The following SPACA7 variants were observed in gnomAD, a reference collection of about 807,000 sequenced individuals.
SPACA7 encodes sperm acrosome associated 7, also known as sperm acrosome-associated protein 7.
Under a neutral mutation model 26.3 loss-of-function variants are expected in SPACA7, and 19 were observed. The ratio of observed to expected loss-of-function variants is 0.72; its 90% CI spans 0.50 to 1.06. SPACA7 has a LOEUF of 1.06. Ranked by LOEUF, SPACA7 falls within the 50% of genes least tolerant of loss-of-function variation. The pLI, the probability that SPACA7 is intolerant of heterozygous loss-of-function variation, is 0.00. For synonymous variants in SPACA7, 84 were observed against 84.5 expected (o/e 0.99, Z 0.04); for missense variants, 211 against 229.9 (o/e 0.92, Z 0.53).
At position 112,396,070 on chromosome 13, in the gene SPACA7, G is replaced by T. The variant is rs185636570; in HGVS notation, c.152-1979G>T. On this transcript the variant is annotated intron_variant, in intron 2 of 6. Transcript: ENST00000283550. ...ATGACTGCTCTCCGAGCAGGAACGC[G>T]CCTCCTCACAGCTGGGCCACCATCC... Among the ~76,000 whole-genome samples the T allele has an allele frequency of 6.6e-5, 9 of 136,934 alleles. 1 individual carries two copies. The highest frequency in any genetic ancestry group is 1.4e-4 in the Non-Finnish European group (8 of 58,630). 89.8% of individuals were successfully genotyped at this position (136,934 alleles called of 152,430 possible). A position where few individuals can be genotyped will look rare whatever the true frequency, so the allele number is the denominator to read the frequency against.
At chr13:112,396,736 G>C (rs910587656) in intron 2 of SPACA7, among the ~76,000 whole-genome samples, 1 of 152,196 alleles carries the variant, frequency 6.6e-6, no homozygotes, top group Non-Finnish European at 1.5e-5. Context: ...CAGCCCCTTG[G>C]CTGGGATCCT....
intron 2 of SPACA7, among the ~76,000 whole-genome samples, chr13:112,396,623 C>G (rs1566465284): frequency 6.6e-6 from 1 of 152,202 alleles, no homozygotes; most frequent in Non-Finnish European, 1.5e-5. Context: ...TCCAAGACCC[C>G]TATCTCACTG....
intron 5 of SPACA7, among the ~76,000 whole-genome samples, 159 bp downstream of exon 5, chr13:112,401,323 T>C (rs192919203): frequency 9.2e-5 from 14 of 152,354 alleles, no homozygotes; most frequent in Admixed American, 8.5e-4. Flanking sequence ...CTGCTTTTGT[T>C]TGCAATTGTC....
intron 5 of SPACA7, among the ~76,000 whole-genome samples, chr13:112,431,806 A>C (rs1160259402): frequency 2.6e-5 from 4 of 152,180 alleles, no homozygotes; most frequent in Admixed American, 6.5e-5. Flanking sequence ...GGTGCCCCCC[A>C]CTAGGAAATG....
chr13:112,386,024 C>A (rs1884502390), intron 1 of SPACA7, among the ~76,000 whole-genome samples: 1 of 152,134 alleles, frequency 6.6e-6, no homozygotes, highest in African/African-American at 2.4e-5. Context: ...AAAGACAGAT[C>A]CCTAAAATTA....
intron 5 of SPACA7, among the ~76,000 whole-genome samples, chr13:112,413,507 A>G (rs1886487892): frequency 6.6e-6 from 1 of 151,914 alleles, no homozygotes; most frequent in Non-Finnish European, 1.5e-5. Flanking sequence ...CTTCTTTTAT[A>G]ATCCTTTCTT....
chr13:112,431,675 T>G (rs1216266542), intron 5 of SPACA7, among the ~76,000 whole-genome samples: 1 of 152,178 alleles, frequency 6.6e-6, no homozygotes, highest in African/African-American at 2.4e-5. Flanking sequence ...AAACCGTATT[T>G]TTAAGGATTC....
chr13:112,430,344 T>A (rs181538045), intron 5 of SPACA7, among the ~76,000 whole-genome samples: 4 of 152,332 alleles, frequency 2.6e-5, no homozygotes, highest in African/African-American at 9.6e-5. Flanking sequence ...GAAGCAAGCA[T>A]AGGGCTGCAT....
At chr13:112,386,942 G>C (rs528809914) in intron 1 of SPACA7, among the ~76,000 whole-genome samples, 2 of 152,092 alleles carry the variant, frequency 1.3e-5, no homozygotes, top group African/African-American at 4.8e-5. Context: ...TCAGAGAAAG[G>C]AAAATTCAAG....
intron 1 of SPACA7, among the ~76,000 whole-genome samples, chr13:112,380,340 G>C (rs774533619): frequency 1.4e-5 from 2 of 145,594 alleles, no homozygotes; most frequent in African/African-American, 2.6e-5. Context: ...AGGAAGTGGA[G>C]GTTGCAGTGA....
At chr13:112,404,109 T>A in intron 5 of SPACA7, among the ~76,000 whole-genome samples, 1 of 152,230 alleles carries the variant, frequency 6.6e-6, no homozygotes, top group Non-Finnish European at 1.5e-5. Context: ...TTTTTGATTA[T>A]GGCCACTCTT....
At chr13:112,389,088 A>T (rs1884713309) in intron 1 of SPACA7, among the ~76,000 whole-genome samples, 1 of 152,208 alleles carries the variant, frequency 6.6e-6, no homozygotes, top group Non-Finnish European at 1.5e-5. Flanking sequence ...CTTATGGCTA[A>T]TGTTAGTCTT....
rs1885609697 is a variant in SPACA7, at chr13:112,401,089, C to T, written c.370C>T (p.Leu124Phe). ...SNDEANANAN[L>F]HGDPSENYRG... ...TAAAGAAGCCAATGCTAATGCAAATCTCCATGGCGATCCTTCTGAGAATTA... is the reference window on the plus strand; with the variant it reads ...TAAAGAAGCCAATGCTAATGCAAATTTCCATGGCGATCCTTCTGAGAATTA... Residue 124 changes from leucine to phenylalanine, a missense_variant, in exon 5 of 7, where the codon CTC becomes TTC. Physicochemically the swap from Leu to Phe is conservative, Grantham distance 22. Coordinates refer to ENST00000283550, the MANE Select transcript of SPACA7 (RefSeq NM_145248.5). The T allele has an allele frequency of 6.2e-7, 1 of 1,614,114 alleles. No homozygotes were observed. Among genetic ancestry groups the T allele is most frequent in the South Asian group, 1.1e-5 (1 of 91,080 alleles).
chr13:112,392,977 T>A (rs754675633), intron 1 of SPACA7, 44 bp from the exon 2 acceptor site: 1 of 1,558,126 alleles, frequency 6.4e-7, no homozygotes, highest in South Asian at 1.1e-5. Context: ...AATATGCAAA[T>A]TCAATGAACA....
At chr13:112,389,093 A>C (rs1884714047) in intron 1 of SPACA7, among the ~76,000 whole-genome samples, 1 of 152,218 alleles carries the variant, frequency 6.6e-6, no homozygotes, top group South Asian at 2.1e-4. Context: ...GGCTAATGTT[A>C]GTCTTACAAA....
intron 5 of SPACA7, among the ~76,000 whole-genome samples, chr13:112,429,579 T>G (rs1310167627): frequency 6.6e-6 from 1 of 152,194 alleles, no homozygotes; most frequent in Non-Finnish European, 1.5e-5. Flanking sequence ...TGGCTCTTGC[T>G]TTTTTATCTA....
chr13:112,382,151 A>C (rs533809868), intron 1 of SPACA7: 15 of 338,808 alleles, frequency 4.4e-5, no homozygotes, highest in African/African-American at 3.1e-4. Context: ...AGCAAGAGGG[A>C]GTCAGTTAAG....
intron 5 of SPACA7, among the ~76,000 whole-genome samples, chr13:112,427,872 CTGCAGGAACTGT>C (rs1876690546): frequency 6.6e-6 from 1 of 152,060 alleles, no homozygotes; most frequent in African/African-American, 2.4e-5. Context: ...TTTTCAGTGT[CTGCAGGAACTGT>C]AGTGATAGCA....
At chr13:112,415,037 G>A (rs1180185423) in intron 5 of SPACA7, among the ~76,000 whole-genome samples, 4 of 152,196 alleles carry the variant, frequency 2.6e-5, no homozygotes, top group Non-Finnish European at 5.9e-5. Flanking sequence ...GCACTACAGA[G>A]CATCCTAAGT....
Sources: allele counts gnomAD v4.1 joint callset (sites outside exome capture counted in the v4.1 genomes callset), GRCh38; gene constraint gnomAD v4.1.1; transcripts MANE v1.5; gene names NCBI Gene and HGNC (gene_info 2026-07-23, HGNC 2026-07-21).